Variants in ANKRD11 observed in about 807,000 individuals in gnomAD.
ANKRD11 encodes the protein ankyrin repeat domain 11.
ANKRD11 carries 17 observed loss-of-function variants against 195.7 expected under a neutral mutation model. That is an observed-to-expected ratio of 0.09 (90% CI 0.06 to 0.13). The LOEUF is 0.13. Among genes scored for constraint, ANKRD11 ranks in the 10% least tolerant of loss-of-function variants. The pLI is 1.00. For synonymous variants in ANKRD11, 1,953 were observed against 1,528.1 expected (o/e 1.28, Z -6.49); for missense variants, 3,735 against 3,566.1 (o/e 1.05, Z -1.21).
intron 2 of ANKRD11, among the ~76,000 whole-genome samples, chr16:89,398,162 T>A (rs1317041215): frequency 1.3e-5 from 2 of 151,286 alleles, no homozygotes; most frequent in African/African-American, 4.9e-5. Context: ...ACCTGTGACC[T>A]CAGCACTCTG....
chr16:89,280,893 G>A lies in ANKRD11; in HGVS notation c.5649C>T (p.Phe1883=), dbSNP rs2034168231. Residue 1883 remains phenylalanine, a synonymous_variant, in exon 9 of 13, where the codon TTC becomes TTT. Coordinates refer to ENST00000301030, the MANE Select transcript of ANKRD11 (RefSeq NM_013275.6). ...VTVTPSPEGV[F]SSLQAKPSPS... ...GGGAAGGTTTTGCTTGTAAACTTGA[G>A]AAGACGCCCTCTGGAGACGGGGTGA... The A allele has an allele frequency of 6.2e-7, 1 of 1,604,206 alleles. No homozygotes were observed. Among genetic ancestry groups the A allele is most frequent in the Non-Finnish European group, 8.5e-7 (1 of 1,172,980 alleles).
intron 2 of ANKRD11, among the ~76,000 whole-genome samples, chr16:89,415,850 A>AAAAAAAAAAAAAAAAAAAAAAAC (rs928499930): frequency 2.7e-5 from 4 of 147,382 alleles, no homozygotes; most frequent in Non-Finnish European, 6.0e-5. Context: ...AAAAAAAAAA[A>AAAAAAAAAAAAAAAAAAAAAAAC]CAATGGAGAA....
intron 2 of ANKRD11, among the ~76,000 whole-genome samples, chr16:89,321,993 C>T (rs2037356350): frequency 6.6e-6 from 1 of 152,230 alleles, no homozygotes; most frequent in Admixed American, 6.5e-5. Context: ...TTTCACGTCT[C>T]TAGTTTGCTC....
chr16:89,300,642 G>A (rs528481268), intron 4 of ANKRD11: 10 of 506,162 alleles, frequency 2.0e-5, no homozygotes, highest in East Asian at 3.4e-5. Context: ...CTTCCCTCCA[G>A]GAATGGGGAA....
Position 89,281,462 on chromosome 16 carries a change from T to C in ANKRD11, c.5080A>G (p.Arg1694Gly). ...HMKEVLPASP[R>G]PDQSRPTGVP... ...CCAGTGGGCCGGCTCTGGTCAGGCC[T>C]GGGGGACGCAGGCAGGACCTCTTTC... Residue 1694 changes from arginine to glycine, a missense_variant, in exon 9 of 13, where the codon AGG becomes GGG. Coordinates refer to ENST00000301030, the MANE Select transcript of ANKRD11 (RefSeq NM_013275.6). This position sits in a 1 kb window ranked among gnomAD's most constrained non-coding sequence, Gnocchi z 5.5. The C allele has an allele frequency of 1.9e-6, 3 of 1,614,034 alleles. No homozygotes were observed. Among genetic ancestry groups the C allele is most frequent in the South Asian group, 1.1e-5 (1 of 91,084 alleles).
At chr16:89,275,266 G>A (rs1275339698) in intron 9 of ANKRD11, 75 bp from the exon 10 acceptor site, 49 of 1,334,514 alleles carry the variant, frequency 3.7e-5, no homozygotes, top group East Asian at 1.2e-4. Flanking sequence ...TGGAGTTCAC[G>A]GGGGTCCCGA....
At chr16:89,483,736 G>A (rs937509831) in intron 1 of ANKRD11, among the ~76,000 whole-genome samples, 1 of 151,750 alleles carries the variant, frequency 6.6e-6, no homozygotes. Context: ...GATGAGGTAG[G>A]AGAATCGCCT....
chr16:89,342,407 C>A (rs901623701), intron 2 of ANKRD11, among the ~76,000 whole-genome samples: 4 of 152,194 alleles, frequency 2.6e-5, no homozygotes, highest in Non-Finnish European at 1.5e-5. Context: ...AGACAGCATT[C>A]GGTCCAGGAT....
intron 11 of ANKRD11, 91 bp downstream of exon 11, chr16:89,274,723 C>T: frequency 2.5e-6 from 4 of 1,579,248 alleles, no homozygotes; most frequent in Non-Finnish European, 3.4e-6. Flanking sequence ...CGGGAAGCTC[C>T]TGGTCAAAGT....
chr16:89,348,358 C>T (rs1239989872), intron 2 of ANKRD11, among the ~76,000 whole-genome samples: 1 of 152,134 alleles, frequency 6.6e-6, no homozygotes, highest in Non-Finnish European at 1.5e-5. Flanking sequence ...AGATAAACCC[C>T]GCTTGCTCAT....
chr16:89,357,573 C>T (rs892312033), intron 2 of ANKRD11, among the ~76,000 whole-genome samples: 7 of 152,214 alleles, frequency 4.6e-5, no homozygotes, highest in African/African-American at 9.6e-5. Context: ...TGTACTTCGA[C>T]GTTCACAGTT....
chr16:89,354,179 C>A (rs542091075), intron 2 of ANKRD11, among the ~76,000 whole-genome samples: 2 of 142,526 alleles, frequency 1.4e-5, no homozygotes, highest in African/African-American at 5.2e-5. Flanking sequence ...TTTACCCATT[C>A]AAATCTTCCA....
intron 1 of ANKRD11, among the ~76,000 whole-genome samples, chr16:89,442,250 C>T (rs956494479): frequency 6.6e-6 from 1 of 152,220 alleles, no homozygotes; most frequent in Non-Finnish European, 1.5e-5. Flanking sequence ...GTCATGTCTA[C>T]GCTTTCCTCA....
At chr16:89,330,625 G>A (rs186834018) in intron 2 of ANKRD11, among the ~76,000 whole-genome samples, 1 of 138,228 alleles carries the variant, frequency 7.2e-6, no homozygotes, top group African/African-American at 2.7e-5. Flanking sequence ...GGGTCCTCGT[G>A]ACACGGCAGT....
chr16:89,375,951 A>G (rs1161358414), intron 2 of ANKRD11, among the ~76,000 whole-genome samples: 1 of 152,176 alleles, frequency 6.6e-6, no homozygotes. Flanking sequence ...AACTTGCGTG[A>G]CACGCCGCAG....
intron 2 of ANKRD11, among the ~76,000 whole-genome samples, chr16:89,338,424 TA>T (rs397854933): frequency 0.51 from 64,453 of 126,952 alleles, 15,744 homozygotes; most frequent in Middle Eastern, 0.61. Flanking sequence ...TACACTCTGT[TA>T]AAAAAAAAAA....
At chr16:89,462,606 T>A (rs1055108009) in intron 1 of ANKRD11, among the ~76,000 whole-genome samples, 1 of 137,788 alleles carries the variant, frequency 7.3e-6, no homozygotes, top group Admixed American at 7.3e-5. Context: ...CCAGCCGCCA[T>A]CCCACTTAGG....
At chr16:89,426,856 C>T (rs943622260) in intron 1 of ANKRD11, among the ~76,000 whole-genome samples, 1 of 152,244 alleles carries the variant, frequency 6.6e-6, no homozygotes, top group Non-Finnish European at 1.5e-5. Context: ...GAAGCTCCTA[C>T]TCAACAATCG....
At chr16:89,289,135 C>A (rs2034857055) in intron 6 of ANKRD11, among the ~76,000 whole-genome samples, 1 of 152,268 alleles carries the variant, frequency 6.6e-6, no homozygotes, top group Middle Eastern at 3.4e-3. Flanking sequence ...TCGGGCTGCA[C>A]GACGAAGGCC....
Sources: allele counts gnomAD v4.1 joint callset (sites outside exome capture counted in the v4.1 genomes callset), GRCh38; gene constraint gnomAD v4.1.1; non-coding constraint Gnocchi (gnomAD v3.1); transcripts MANE v1.5; gene names NCBI Gene and HGNC (gene_info 2026-07-23, HGNC 2026-07-21).